The following NBAS variants were observed in gnomAD, a reference collection of about 807,000 sequenced individuals.
NBAS encodes NAG/BC035112 fusion.
A neutral mutation model predicts 302.5 loss-of-function variants in NBAS; 219 were observed. The ratio of observed to expected loss-of-function variants is 0.72; its 90% CI spans 0.65 to 0.81. NBAS has a LOEUF of 0.81. Among genes scored for constraint, NBAS ranks in the 30% least tolerant of loss-of-function variants. The pLI, the probability that NBAS is intolerant of heterozygous loss-of-function variation, is 0.00. For missense variants in NBAS, 2,932 were observed against 2,841.6 expected (o/e 1.03, Z -0.72); for synonymous variants, 1,118 against 1,021.6 (o/e 1.09, Z -1.80).
chr2:15,128,738 A>G, the NBAS span, among the ~76,000 whole-genome samples: 1 of 152,120 alleles, frequency 6.6e-6, no homozygotes, highest in Non-Finnish European at 1.5e-5. Flanking sequence ...GTCACTGGGG[A>G]CACATTGGAG....
At chr2:15,559,044 CAG>C (rs1414096230) in intron 1 of NBAS, among the ~76,000 whole-genome samples, 2 of 103,786 alleles carry the variant, frequency 1.9e-5, no homozygotes, top group South Asian at 3.2e-4. Flanking sequence ...GCCTGGGTGA[CAG>C]AGTGAGACCC....
intron 47 of NBAS, among the ~76,000 whole-genome samples, chr2:15,222,349 GTTTCACATAAAATGAAGCTGA>G (rs1444838356): frequency 2.6e-5 from 4 of 152,144 alleles, no homozygotes; most frequent in Non-Finnish European, 4.4e-5. Flanking sequence ...GTCCTAACCA[GTTTCACATAAAATGAAGCTGA>G]TTTTTTGGCC....
chr2:15,203,686 A>T (rs1572442095), intron 48 of NBAS, among the ~76,000 whole-genome samples: 1 of 152,332 alleles, frequency 6.6e-6, no homozygotes, highest in East Asian at 1.9e-4. Flanking sequence ...GGAAAATGGA[A>T]AAAAAGCACT....
At chr2:15,009,712 A>ATATATATATATG in the NBAS span, among the ~76,000 whole-genome samples, 3 of 148,608 alleles carry the variant, frequency 2.0e-5, no homozygotes, top group Non-Finnish European at 4.5e-5. Context: ...ATATATATAT[A>ATATATATATATG]TATATATACG....
intron 35 of NBAS, among the ~76,000 whole-genome samples, chr2:15,342,502 C>G (rs558079231): frequency 6.6e-6 from 1 of 151,890 alleles, no homozygotes; most frequent in Non-Finnish European, 1.5e-5. Context: ...AAATAATAAA[C>G]CTCCAGGAGA....
chr2:15,069,821 G>A, the NBAS span, among the ~76,000 whole-genome samples: 2 of 152,202 alleles, frequency 1.3e-5, no homozygotes, highest in African/African-American at 2.4e-5. Flanking sequence ...GGCTTTGTCT[G>A]TGAACATTTG....
At chr2:14,970,199 C>A in the NBAS span, among the ~76,000 whole-genome samples, 1 of 152,036 alleles carries the variant, frequency 6.6e-6, no homozygotes, top group African/African-American at 2.4e-5. Flanking sequence ...TTCATATGCA[C>A]CCCATGTGAG....
chr2:14,924,843 C>G, the NBAS span, among the ~76,000 whole-genome samples: 1 of 152,100 alleles, frequency 6.6e-6, no homozygotes, highest in Non-Finnish European at 1.5e-5. Flanking sequence ...CAGGGAAAGG[C>G]CCCTTAACTT....
chr2:15,251,388 A>G (rs1174184576), intron 44 of NBAS, among the ~76,000 whole-genome samples: 1 of 152,196 alleles, frequency 6.6e-6, no homozygotes, highest in Non-Finnish European at 1.5e-5. Context: ...GCAAACCACC[A>G]TGGCACATGT....
intron 46 of NBAS, among the ~76,000 whole-genome samples, chr2:15,232,946 A>G (rs779900930): frequency 2.6e-5 from 4 of 151,918 alleles, no homozygotes; most frequent in Non-Finnish European, 5.9e-5. Flanking sequence ...TTCTGCTACT[A>G]TTAAATGCAA....
At chr2:15,091,626 G>A in the NBAS span, among the ~76,000 whole-genome samples, 3 of 151,182 alleles carry the variant, frequency 2.0e-5, no homozygotes, top group Non-Finnish European at 4.4e-5. Context: ...TCCACTTCCC[G>A]GGTTCAAGCA....
chr2:14,985,476 G>C, the NBAS span, among the ~76,000 whole-genome samples: 1 of 152,350 alleles, frequency 6.6e-6, no homozygotes, highest in East Asian at 1.9e-4. Flanking sequence ...TCTAGTGACA[G>C]TAAAGTGGAA....
At chr2:15,333,331 C>A (rs113822053) in intron 35 of NBAS, among the ~76,000 whole-genome samples, 1 of 152,066 alleles carries the variant, frequency 6.6e-6, no homozygotes, top group Admixed American at 6.6e-5. Context: ...AGAGAAATAG[C>A]AGGACATGAG....
chr2:15,370,974 C>T (rs904177515), intron 31 of NBAS, among the ~76,000 whole-genome samples: 3 of 151,794 alleles, frequency 2.0e-5, no homozygotes, highest in South Asian at 2.1e-4. Flanking sequence ...TAGAAGGGGC[C>T]GGGGTGAAAT....
At chr2:15,444,886 CA>C (rs1357893026) in intron 21 of NBAS, among the ~76,000 whole-genome samples, 8 of 151,698 alleles carry the variant, frequency 5.3e-5, no homozygotes, top group Admixed American at 5.3e-4. Flanking sequence ...TTTATGCAGC[CA>C]AAAAACACAT....
chr2:15,541,146 G>A (rs556505475), intron 6 of NBAS, among the ~76,000 whole-genome samples: 2 of 152,070 alleles, frequency 1.3e-5, no homozygotes, highest in Non-Finnish European at 2.9e-5. Context: ...TGGCTGCTCT[G>A]TGCCACCAAA....
the NBAS span, among the ~76,000 whole-genome samples, chr2:15,039,590 T>C: frequency 2.6e-5 from 4 of 152,142 alleles, no homozygotes; most frequent in Admixed American, 1.3e-4. Context: ...GATAAGCATT[T>C]TGGGGGAGCT....
At chr2:15,255,643 T>C (rs567087915) in intron 44 of NBAS, among the ~76,000 whole-genome samples, 1 of 152,228 alleles carries the variant, frequency 6.6e-6, no homozygotes, top group Non-Finnish European at 1.5e-5. Context: ...TCTAGAAGAG[T>C]TTTTCCAACG....
chr2:15,373,906 G>A (rs889848150), intron 31 of NBAS, among the ~76,000 whole-genome samples: 1 of 152,102 alleles, frequency 6.6e-6, no homozygotes, highest in Non-Finnish European at 1.5e-5. Flanking sequence ...TTCATTTAGG[G>A]CACAGAGGTC....
Sources: allele counts gnomAD v4.1 joint callset (sites outside exome capture counted in the v4.1 genomes callset), GRCh38; gene constraint gnomAD v4.1.1; transcripts MANE v1.5; gene names NCBI Gene and HGNC (gene_info 2026-07-23, HGNC 2026-07-21).